ZNF583: variants seen among roughly 807,000 people sequenced by gnomAD.
ZNF583 encodes zinc finger protein 583, also known as zinc finger protein L3-5.
A neutral mutation model predicts 55.3 loss-of-function variants in ZNF583; 30 were observed. That is an observed-to-expected ratio of 0.54 (90% CI 0.41 to 0.74). The LOEUF (loss-of-function observed/expected upper bound fraction) is 0.74, where lower values mean the gene tolerates loss of function less well. Ranked by LOEUF, ZNF583 falls within the 30% of genes least tolerant of loss-of-function variation. The probability of loss-of-function intolerance (pLI) is 0.00; values close to 1 mark genes in which losing one functional copy is unlikely to be tolerated. For missense variants in ZNF583, 504 were observed against 664.7 expected, an observed-to-expected ratio of 0.76 and a Z score of 2.66; for synonymous variants, 208 against 220.0, an observed-to-expected ratio of 0.95 and a Z score of 0.48.
At chr19:56,417,213 A>G (rs1027757639) in intron 4 of ZNF583, among the ~76,000 whole-genome samples, 16 of 152,182 alleles carry the variant, frequency 1.1e-4, no homozygotes, top group Non-Finnish European at 2.4e-4. Context: ...TAAATACTTA[A>G]GATGGAAGAA....
chr19:56,415,014 T>TTA lies in ZNF583; in HGVS notation c.232+574_232+575insTA, dbSNP rs565762099. Among the ~76,000 whole-genome samples the TTA allele has an allele frequency of 1.8e-4, 25 of 142,160 alleles. No homozygotes were observed. The South Asian group carries it at 5.4e-3, about 30-fold the overall frequency. 93.3% of individuals were successfully genotyped at this position (142,160 alleles called of 152,430 possible). ...CTAGGTAACAAAGCAAGAGCCTGTC[T>TTA]AAAAAAAAAAAAAGCCAGGTTATTT... On this transcript the variant is annotated intron_variant, in intron 4 of 4. Coordinates refer to ENST00000333201, the MANE Select transcript of ZNF583 (RefSeq NM_152478.3).
At chr19:56,420,273 T>G (rs183874806) in intron 4 of ZNF583, among the ~76,000 whole-genome samples, 13 of 152,286 alleles carry the variant, frequency 8.5e-5, no homozygotes, top group African/African-American at 3.1e-4. Flanking sequence ...TAACCTCTGT[T>G]GAGGTTAGAG....
chr19:56,405,522 A>G (rs2042132779), intron 1 of ZNF583, among the ~76,000 whole-genome samples: 1 of 151,968 alleles, frequency 6.6e-6, no homozygotes, highest in South Asian at 2.1e-4. Context: ...GAGAGACAGA[A>G]AGATTGAGAT....
At chr19:56,415,647 TCCACCTCCCA>T (rs2042309475) in intron 4 of ZNF583, among the ~76,000 whole-genome samples, 1 of 152,184 alleles carries the variant, frequency 6.6e-6, no homozygotes, top group Non-Finnish European at 1.5e-5. Context: ...CACTGCAACC[TCCACCTCCCA>T]GGTTCAAGCA....
chr19:56,415,483 G>T (rs2042306565), intron 4 of ZNF583, among the ~76,000 whole-genome samples: 1 of 152,178 alleles, frequency 6.6e-6, no homozygotes, highest in Admixed American at 6.5e-5. Flanking sequence ...GAGAGATAAA[G>T]CCTGATGCTG....
At chr19:56,420,389 CATGTTGT>C (rs907318184) in intron 4 of ZNF583, among the ~76,000 whole-genome samples, 3 of 152,136 alleles carry the variant, frequency 2.0e-5, no homozygotes, top group Non-Finnish European at 2.9e-5. Context: ...CACTCGAATA[CATGTTGT>C]ACAAGTGTTT....
intron 4 of ZNF583, among the ~76,000 whole-genome samples, chr19:56,416,136 G>A (rs1397800030): frequency 2.0e-5 from 3 of 151,538 alleles, no homozygotes; most frequent in Non-Finnish European, 2.9e-5. Context: ...GACCAGCCTG[G>A]CCAAGATGGT....
chr19:56,410,957 G>C (rs1480933331), intron 2 of ZNF583, among the ~76,000 whole-genome samples: 1 of 151,824 alleles, frequency 6.6e-6, no homozygotes, highest in Non-Finnish European at 1.5e-5. Context: ...GGGGGTGAAA[G>C]ACTTCCAATT....
At chr19:56,408,051 C>T (rs1315980499) in intron 2 of ZNF583, among the ~76,000 whole-genome samples, 2 of 152,018 alleles carry the variant, frequency 1.3e-5, no homozygotes, top group African/African-American at 2.4e-5. Context: ...GATAAATAGG[C>T]CCTGTCTTTG....
Position 56,411,986 on chromosome 19 carries a change from G to T in ZNF583, c.10-1973G>T, listed in dbSNP as rs1568805207. ...TTACTCTGCAAAGAGTCATATAAGA[G>T]TAGGGGTGATGTTCATATTTGACAA... On this transcript the variant is annotated intron_variant, in intron 2 of 4. Transcript: ENST00000333201. Among the ~76,000 whole-genome samples, 5 of 152,140 alleles carry T rather than the reference G, an allele frequency of 3.3e-5. No individual in the cohort carries two copies. In the South Asian group the frequency reaches 1.0e-3, roughly 31 times the overall value.
chr19:56,405,064 TATG>T (rs1319390459), intron 1 of ZNF583, among the ~76,000 whole-genome samples: 2 of 152,072 alleles, frequency 1.3e-5, no homozygotes, highest in African/African-American at 4.8e-5. Flanking sequence ...TGTGTGAGGC[TATG>T]TGTGGTTGTG....
intron 2 of ZNF583, among the ~76,000 whole-genome samples, chr19:56,413,627 G>T (rs1404546514): frequency 2.6e-5 from 4 of 152,134 alleles, no homozygotes. Context: ...CCAATATTGA[G>T]AAATGCTCTG....
intron 3 of ZNF583, 78 bp downstream of exon 3, chr19:56,414,163 G>A (rs2042281301): frequency 6.5e-7 from 1 of 1,545,162 alleles, no homozygotes; most frequent in Non-Finnish European, 8.7e-7. Flanking sequence ...CCTCTGACGT[G>A]CTTCACTAAA....
chr19:56,410,129 G>A (rs1457355333), intron 2 of ZNF583, among the ~76,000 whole-genome samples: 4 of 151,966 alleles, frequency 2.6e-5, no homozygotes, highest in Non-Finnish European at 5.9e-5. Context: ...ATTTCTTCCT[G>A]TGTTTTCATG....
chr19:56,411,873 G>A (rs1202106721), intron 2 of ZNF583, among the ~76,000 whole-genome samples: 1 of 152,108 alleles, frequency 6.6e-6, no homozygotes. Context: ...TCCGGCAGTA[G>A]CAATTAACAT....
At position 56,425,668 on chromosome 19, in the gene ZNF583, G is replaced by A. The variant is rs771948518; in HGVS notation, c.*1300G>A. 15 of 152,150 alleles carry A rather than the reference G, an allele frequency of 9.9e-5. No individual in the cohort carries two copies. The highest frequency in any genetic ancestry group is 2.0e-4 in the Admixed American group (3 of 15,274). 9.4% of individuals were successfully genotyped at this position (152,150 alleles called of 1,614,324 possible). A position where few individuals can be genotyped will look rare whatever the true frequency, so the allele number is the denominator to read the frequency against. ...GTTTGAACCCCTGTTCTAAATCTGG[G>A]TGAATGAATTATATCAAATCTATGT... On this transcript the variant is annotated 3_prime_UTR_variant, in exon 5 of 5. Coordinates refer to ENST00000333201, the MANE Select transcript of ZNF583 (RefSeq NM_152478.3).
Position 56,424,145 on chromosome 19 carries a change from T to C in ZNF583, c.1487T>C (p.Val496Ala). The change falls in exon 5 of 5, where the codon GTT (valine) becomes GCT (alanine). Residue 496 changes from valine to alanine, a missense_variant. Coordinates refer to ENST00000333201, the MANE Select transcript of ZNF583 (RefSeq NM_152478.3). ...GGAGAGAAACCTTATGAATGTAATG[T>C]TTGTGGGAAAGCATTTAGCTATAGT... Reference protein sequence around the residue: ...HTGEKPYECNVCGKAFSYSGS... With the variant: ...HTGEKPYECNACGKAFSYSGS... 1 of 1,611,984 alleles carries C rather than the reference T, an allele frequency of 6.2e-7. No individual in the cohort carries two copies. The highest frequency in any genetic ancestry group is 8.5e-7 in the Non-Finnish European group (1 of 1,178,516).
chr19:56,414,598 A>G (rs1024455854), intron 4 of ZNF583, 158 bp downstream of exon 4: 18 of 616,476 alleles, frequency 2.9e-5, no homozygotes, highest in Non-Finnish European at 4.8e-5. Context: ...GAGCTCCTCA[A>G]TTTGTTCTCT....
chr19:56,423,289 C>CT lies in ZNF583; in HGVS notation c.635dup (p.Leu212PhefsTer4). On this transcript the variant is annotated frameshift_variant, in exon 5 of 5. Coordinates refer to ENST00000333201, the MANE Select transcript of ZNF583 (RefSeq NM_152478.3). LOFTEE classifies it high-confidence loss of function. ...TAGGAAAGTCTATGTAGAAAAGAAA[C>CT]TTTTGAAATGTAATGATTGTGAGAA... 6.2e-7 allele frequency: 1 copy of CT among 1,608,610 alleles called. No individual in the cohort carries two copies. The highest frequency in any genetic ancestry group is 8.5e-7 in the Non-Finnish European group (1 of 1,178,628).
Sources: gnomAD v4.1 joint callset for allele counts (sites outside exome capture counted in the v4.1 genomes callset) on GRCh38, gnomAD v4.1.1 for gene constraint, MANE v1.5 for transcripts, NCBI Gene and HGNC (gene_info 2026-07-23, HGNC 2026-07-21) for gene names.